Variants in CSMD1 observed in about 807,000 individuals in gnomAD.
CSMD1 encodes CUB and Sushi multiple domains 1, also known as CUB and sushi domain-containing protein 1.
CSMD1 carries 213 observed loss-of-function variants against 417.5 expected under a neutral mutation model. The observed-to-expected ratio is 0.51, with a 90% CI of 0.46 to 0.57. CSMD1 has a LOEUF of 0.57. CSMD1 is among the 20% of genes least tolerant of loss of function. The pLI is 0.00. For missense variants in CSMD1, 6,923 were observed against 4,529.7 expected, an observed-to-expected ratio of 1.53 and a Z score of -15.17; for synonymous variants, 2,862 against 1,736.8, an observed-to-expected ratio of 1.65 and a Z score of -16.11.
At chr8:4,872,578 A>C (rs902814091) in intron 1 of CSMD1, among the ~76,000 whole-genome samples, 1 of 152,096 alleles carries the variant, frequency 6.6e-6, no homozygotes, top group Non-Finnish European at 1.5e-5. Context: ...TGAGTCAATT[A>C]AAACACTTTC....
chr8:3,059,892 G>A (rs905345143), intron 49 of CSMD1, among the ~76,000 whole-genome samples: 3 of 152,094 alleles, frequency 2.0e-5, no homozygotes, highest in African/African-American at 7.2e-5. Context: ...ATTCACTTCA[G>A]GGCAAGTAGA....
At chr8:3,168,156 G>T (rs561458414) in intron 37 of CSMD1, among the ~76,000 whole-genome samples, 17 of 152,068 alleles carry the variant, frequency 1.1e-4, no homozygotes, top group Non-Finnish European at 2.5e-4. Context: ...TAATAGAGGA[G>T]TAGCATGAAA....
rs1554456900 is a variant in CSMD1, at chr8:3,530,354, A to ATTTAAT, written c.1345-36629_1345-36628insATTAAA. ...ATCCTGTAAGTTTTGGTATGTTGTA[A>ATTTAAT]TTTCATTTTCATTTGTCTCAAGGAA... On this transcript the variant is annotated intron_variant, in intron 10 of 69. Coordinates refer to ENST00000635120, the MANE Select transcript of CSMD1 (RefSeq NM_033225.6). Among the ~76,000 whole-genome samples the ATTTAAT allele has an allele frequency of 1.7e-4, 26 of 151,958 alleles. No homozygotes were observed. The East Asian group carries it at 4.3e-3, about 25-fold the overall frequency.
chr8:4,434,830 A>G lies in CSMD1; in HGVS notation c.303-14765T>C, dbSNP rs575706487. Among the ~76,000 whole-genome samples, 8 of 152,242 alleles carry G rather than the reference A, an allele frequency of 5.3e-5. No individual in the cohort carries two copies. The South Asian group carries it at 1.7e-3, about 32-fold the overall frequency. On this transcript the variant is annotated intron_variant, in intron 2 of 69. Transcript: ENST00000635120. ...AGCCCTACTTCACCAGGGCTCAACC[A>G]TCCATAGCTGTCTCCTGGGCAACCG...
chr8:3,266,253 C>T (rs1330527061), intron 26 of CSMD1, among the ~76,000 whole-genome samples: 9 of 150,950 alleles, frequency 6.0e-5, no homozygotes, highest in Non-Finnish European at 7.4e-5. Flanking sequence ...AAAACCTAGA[C>T]GAAAGAGGGT....
intron 5 of CSMD1, among the ~76,000 whole-genome samples, chr8:3,958,439 T>A (rs955760417): frequency 6.6e-6 from 1 of 151,908 alleles, no homozygotes; most frequent in Non-Finnish European, 1.5e-5. Flanking sequence ...GTGCACGTTT[T>A]TGAAATATTT....
intron 2 of CSMD1, among the ~76,000 whole-genome samples, chr8:4,445,873 G>A (rs1029325685): frequency 6.6e-6 from 1 of 152,206 alleles, no homozygotes; most frequent in Non-Finnish European, 1.5e-5. Flanking sequence ...TCCCGCTGGA[G>A]AAGGGCACAA....
At chr8:4,385,244 TAAA>T (rs1803370659) in intron 3 of CSMD1, among the ~76,000 whole-genome samples, 1 of 152,182 alleles carries the variant, frequency 6.6e-6, no homozygotes, top group African/African-American at 2.4e-5. Context: ...AAAAAGTTCT[TAAA>T]TAGGTGTTTG....
intron 37 of CSMD1, among the ~76,000 whole-genome samples, chr8:3,175,706 G>A (rs555891805): frequency 3.3e-5 from 5 of 151,692 alleles, no homozygotes; most frequent in Non-Finnish European, 7.4e-5. Context: ...TGGGAACATG[G>A]CTTCCACACT....
intron 5 of CSMD1, among the ~76,000 whole-genome samples, chr8:3,773,898 A>T (rs116481451): frequency 0.011 from 1,744 of 152,246 alleles, 15 homozygotes; most frequent in South Asian, 0.024. Context: ...AAACCAATAA[A>T]CAAACTGGGG....
chr8:4,354,860 A>T (rs1801308612), intron 3 of CSMD1, among the ~76,000 whole-genome samples: 1 of 107,062 alleles, frequency 9.3e-6, no homozygotes, highest in African/African-American at 3.3e-5. Flanking sequence ...AAATGAGGAA[A>T]ATGTAGTGTG....
At chr8:3,734,702 T>C (rs191556134) in intron 6 of CSMD1, among the ~76,000 whole-genome samples, 2 of 152,178 alleles carry the variant, frequency 1.3e-5, no homozygotes, top group South Asian at 2.1e-4. Context: ...CAGAGTGAGA[T>C]TTTGTCTCAA....
rs932045145 is a variant in CSMD1, at chr8:3,528,422, T to C, written c.1345-34696A>G. 3.9e-5 allele frequency among the ~76,000 whole-genome samples: 6 copies of C among 152,202 alleles called. No individual in the cohort carries two copies. In the East Asian group the frequency reaches 1.2e-3, roughly 29 times the overall value. On this transcript the variant is annotated intron_variant, in intron 10 of 69. Coordinates refer to ENST00000635120, the MANE Select transcript of CSMD1 (RefSeq NM_033225.6). The stretch of plus-strand genomic sequence containing the variant: ...ACTCGTGGGGGAAGGAGGATGGCTC[T>C]GTATGCAAGTCTAGCCATGCCTGCT...
At chr8:3,756,970 T>A (rs1052660427) in intron 5 of CSMD1, among the ~76,000 whole-genome samples, 1 of 152,164 alleles carries the variant, frequency 6.6e-6, no homozygotes, top group Non-Finnish European at 1.5e-5. Context: ...TTTTGTAATC[T>A]TTTAATTTTT....
At chr8:4,162,558 G>A (rs1008589786) in intron 3 of CSMD1, among the ~76,000 whole-genome samples, 8 of 152,002 alleles carry the variant, frequency 5.3e-5, no homozygotes, top group African/African-American at 1.7e-4. Flanking sequence ...TTTTACCTAA[G>A]TTACTTTGAT....
At chr8:4,015,404 C>G (rs966355043) in intron 4 of CSMD1, among the ~76,000 whole-genome samples, 2 of 152,232 alleles carry the variant, frequency 1.3e-5, no homozygotes, top group African/African-American at 4.8e-5. Flanking sequence ...GATTAAAAAA[C>G]CTCGACTGAC....
At chr8:3,416,072 C>T (rs923881457) in intron 12 of CSMD1, among the ~76,000 whole-genome samples, 1 of 151,984 alleles carries the variant, frequency 6.6e-6, no homozygotes, top group African/African-American at 2.4e-5. Context: ...GAGGCGGAGA[C>T]AGGTGGATCA....
intron 47 of CSMD1, among the ~76,000 whole-genome samples, chr8:3,094,749 T>C (rs1313336273): frequency 7.0e-6 from 1 of 142,188 alleles, no homozygotes; most frequent in African/African-American, 2.7e-5. Flanking sequence ...AAAATCAATA[T>C]ATTCAACATG....
chr8:4,847,667 A>C (rs959776517), intron 1 of CSMD1, among the ~76,000 whole-genome samples: 1 of 151,840 alleles, frequency 6.6e-6, no homozygotes, highest in African/African-American at 2.4e-5. Context: ...GTTTCTCCTT[A>C]AGCTCTTCAA....
Sources: gnomAD v4.1 joint callset for allele counts (sites outside exome capture counted in the v4.1 genomes callset) on GRCh38, gnomAD v4.1.1 for gene constraint, MANE v1.5 for transcripts, NCBI Gene and HGNC (gene_info 2026-07-23, HGNC 2026-07-21) for gene names.